The following TVP23A variants were observed in gnomAD, a reference collection of about 807,000 sequenced individuals.
TVP23A encodes the protein trans-golgi network vesicle protein 23 homolog A.
Under a neutral mutation model 31.7 loss-of-function variants are expected in TVP23A, and 21 were observed. The observed-to-expected ratio is 0.66, with a 90% CI of 0.47 to 0.95. The LOEUF (loss-of-function observed/expected upper bound fraction) is 0.95, where lower values mean the gene tolerates loss of function less well. Ranked by LOEUF, TVP23A falls within the 40% of genes least tolerant of loss-of-function variation. The probability of loss-of-function intolerance (pLI) is 0.00; values close to 1 mark genes in which losing one functional copy is unlikely to be tolerated. For missense variants in TVP23A, 279 were observed against 255.6 expected, an observed-to-expected ratio of 1.09 and a Z score of -0.62; for synonymous variants, 104 against 96.0, an observed-to-expected ratio of 1.08 and a Z score of -0.49.
At chr16:10,774,187 T>C in intron 3 of TVP23A, 59 bp from the exon 4 acceptor site, 2 of 1,324,254 alleles carry the variant, frequency 1.5e-6, no homozygotes, top group African/African-American at 2.9e-5. Context: ...TTATTCACTG[T>C]ATTGATAAAC....
At chr16:10,790,279 AT>A (rs376916439) in intron 2 of TVP23A, among the ~76,000 whole-genome samples, 7,647 of 114,422 alleles carry the variant, frequency 0.067, 328 homozygotes, top group African/African-American at 0.19. Context: ...TTGGGGTAAA[AT>A]TTTTTTTTTT....
At chr16:10,788,513 A>G (rs1346301396) in intron 2 of TVP23A, among the ~76,000 whole-genome samples, 2 of 152,090 alleles carry the variant, frequency 1.3e-5, no homozygotes, top group African/African-American at 4.8e-5. Flanking sequence ...GACCAGCCTC[A>G]ACACCACCCG....
At chr16:10,778,661 T>TAA (rs532972083) in intron 2 of TVP23A, among the ~76,000 whole-genome samples, 44 of 138,180 alleles carry the variant, frequency 3.2e-4, no homozygotes, top group African/African-American at 8.0e-4. Context: ...AATACAAATG[T>TAA]AAAAAAAAAA....
At chr16:10,810,925 C>T (rs1449325351) in intron 2 of TVP23A, among the ~76,000 whole-genome samples, 1 of 152,200 alleles carries the variant, frequency 6.6e-6, no homozygotes, top group Non-Finnish European at 1.5e-5. Flanking sequence ...TCCAAAATTG[C>T]ATGAATGAAT....
At chr16:10,784,091 T>G (rs975074529) in intron 2 of TVP23A, among the ~76,000 whole-genome samples, 14 of 151,972 alleles carry the variant, frequency 9.2e-5, no homozygotes, top group Non-Finnish European at 4.4e-5. Context: ...TCCCAGCACT[T>G]TGGGAGGCCT....
At chr16:10,774,509 AG>A (rs556648237) in intron 3 of TVP23A, among the ~76,000 whole-genome samples, 14 of 151,788 alleles carry the variant, frequency 9.2e-5, no homozygotes, top group African/African-American at 3.1e-4. Context: ...TCATACAGGC[AG>A]TTTCCCCCAC....
intron 2 of TVP23A, among the ~76,000 whole-genome samples, chr16:10,782,566 G>C (rs1202232746): frequency 6.6e-6 from 1 of 152,076 alleles, no homozygotes; most frequent in African/African-American, 2.4e-5. Context: ...GCAGTGGTGT[G>C]ATCAAGGCTC....
chr16:10,801,375 C>G (rs1009641562), intron 2 of TVP23A, among the ~76,000 whole-genome samples: 1 of 152,146 alleles, frequency 6.6e-6, no homozygotes, highest in African/African-American at 2.4e-5. Flanking sequence ...TGCCCTTTTA[C>G]TCTCCAAAAA....
chr16:10,809,609 G>T (rs2034103018), intron 2 of TVP23A, among the ~76,000 whole-genome samples: 1 of 152,224 alleles, frequency 6.6e-6, no homozygotes, highest in South Asian at 2.1e-4. Context: ...AGCTGAAGAT[G>T]CCCTACCTCT....
At chr16:10,788,778 AT>A (rs1489972669) in intron 2 of TVP23A, among the ~76,000 whole-genome samples, 1 of 152,182 alleles carries the variant, frequency 6.6e-6, no homozygotes, top group African/African-American at 2.4e-5. Context: ...CAAACAGCGT[AT>A]TTTTAACTTA....
In TVP23A at chr16:10,766,805, G is replaced by A. The variant is rs1297474866; in HGVS notation, c.*2297C>T. ...TGTGTTTAAATACCCTCTACTTGAG[G>A]TACGCCCTATATAAACGAAAAGGAT... On this transcript the variant is annotated 3_prime_UTR_variant, in exon 8 of 8. Coordinates refer to ENST00000299866, the MANE Select transcript of TVP23A (RefSeq NM_001079512.4). This position sits in a 1 kb window ranked among gnomAD's most constrained non-coding sequence, Gnocchi z 4.8. 2.5e-6 allele frequency: 1 copy of A among 397,574 alleles called. No homozygotes were observed. The highest frequency in any genetic ancestry group is 4.4e-6 in the Non-Finnish European group (1 of 225,906). The allele number at this position is 397,574 out of a possible 1,614,324, so 24.6% of individuals were successfully genotyped here. A position where few individuals can be genotyped will look rare whatever the true frequency, so the allele number is the denominator to read the frequency against.
At chr16:10,769,142 G>T (rs757236292) in intron 7 of TVP23A, 41 bp from the exon 8 acceptor site, 1 of 1,603,594 alleles carries the variant, frequency 6.2e-7, no homozygotes, top group African/African-American at 1.3e-5. Context: ...GTTACCGAGC[G>T]AGGCACTCAC....
In TVP23A at chr16:10,769,204, A is replaced by G. The variant is rs1337923174; in HGVS notation, c.*1-103T>C. ...CCAGCTCCGGGATGGGGTGGGTCAC[A>G]GCAAAAGGACCAGATGCTGGTGTGG... is the stretch of plus-strand genomic sequence containing the variant. On this transcript the variant is annotated intron_variant, in intron 7 of 7. Coordinates refer to ENST00000299866, the MANE Select transcript of TVP23A (RefSeq NM_001079512.4). The G allele has an allele frequency of 6.7e-6, 7 of 1,046,330 alleles. No individual in the cohort carries two copies. The Admixed American group carries it at 1.3e-4, about 20-fold the overall frequency. 64.8% of individuals were successfully genotyped at this position (1,046,330 alleles called of 1,614,324 possible). A position where few individuals can be genotyped will look rare whatever the true frequency, so the allele number is the denominator to read the frequency against.
intron 5 of TVP23A, among the ~76,000 whole-genome samples, chr16:10,772,273 G>C (rs2031681633): frequency 6.6e-6 from 1 of 152,228 alleles, no homozygotes; most frequent in Non-Finnish European, 1.5e-5. Flanking sequence ...CAAGGTCACA[G>C]AGCTGGAGCG....
intron 2 of TVP23A, chr16:10,775,305 T>G: frequency 1.4e-6 from 2 of 1,392,852 alleles, no homozygotes; most frequent in Non-Finnish European, 1.9e-6. Context: ...CACTGTTTTT[T>G]TTCCTCCCCT....
chr16:10,796,892 T>A (rs1302979885), intron 2 of TVP23A, among the ~76,000 whole-genome samples: 1 of 152,086 alleles, frequency 6.6e-6, no homozygotes, highest in Non-Finnish European at 1.5e-5. Context: ...TTGAGTATTG[T>A]GAATTATTTT....
intron 2 of TVP23A, among the ~76,000 whole-genome samples, chr16:10,799,624 AT>A (rs1174399286): frequency 1.3e-5 from 2 of 152,214 alleles, no homozygotes; most frequent in African/African-American, 4.8e-5. Flanking sequence ...GTGAGCCTAC[AT>A]GCCCGGCCTG....
In TVP23A at chr16:10,779,065, C is replaced by T. The variant is rs927621474; in HGVS notation, c.90-3969G>A. ...CATTCGAATAAATCCCTTGCCCACCCGCTTCTTTCTTTTTTCTTTTTGGCT... is the reference window on the plus strand; with the variant it reads ...CATTCGAATAAATCCCTTGCCCACCTGCTTCTTTCTTTTTTCTTTTTGGCT... On this transcript the variant is annotated intron_variant, in intron 2 of 7. Transcript: ENST00000299866. This position sits in a 1 kb window ranked among gnomAD's most constrained non-coding sequence, Gnocchi z 4.9. Among the ~76,000 whole-genome samples, 4 of 152,124 alleles carry T rather than the reference C, an allele frequency of 2.6e-5. No individual in the cohort carries two copies. The highest frequency in any genetic ancestry group is 4.8e-5 in the African/African-American group (2 of 41,424).
intron 2 of TVP23A, chr16:10,808,629 T>C (rs2034053352): frequency 2.3e-6 from 1 of 440,640 alleles, no homozygotes; most frequent in Non-Finnish European, 4.5e-6. Context: ...AAAATAAAAT[T>C]AGCAGGGTGT....
Sources: allele counts gnomAD v4.1 joint callset (sites outside exome capture counted in the v4.1 genomes callset), GRCh38; gene constraint gnomAD v4.1.1; non-coding constraint Gnocchi (gnomAD v3.1); transcripts MANE v1.5; gene names NCBI Gene and HGNC (gene_info 2026-07-23, HGNC 2026-07-21).